The following FAM114A1 variants were observed in gnomAD, a reference collection of about 807,000 sequenced individuals.
The protein encoded by FAM114A1 is protein NOXP20.
FAM114A1 carries 62 observed loss-of-function variants against 64.3 expected under a neutral mutation model. The observed-to-expected ratio is 0.96, with a 90% CI of 0.79 to 1.19. The LOEUF (loss-of-function observed/expected upper bound fraction) is 1.19, where lower values mean the gene tolerates loss of function less well. Among genes scored for constraint, FAM114A1 ranks in the 50% most tolerant of loss-of-function variants. The probability of loss-of-function intolerance (pLI) is 0.00; values close to 1 mark genes in which losing one functional copy is unlikely to be tolerated. For synonymous variants in FAM114A1, 254 were observed against 251.1 expected (o/e 1.01, Z -0.11); for missense variants, 645 against 676.3 (o/e 0.95, Z 0.51).
chr4:38,934,001 A>T (rs1480595536), intron 12 of FAM114A1, among the ~76,000 whole-genome samples: 2 of 152,232 alleles, frequency 1.3e-5, no homozygotes, highest in East Asian at 1.9e-4. Flanking sequence ...ATATCTAAGG[A>T]TATAAAAATC....
chr4:38,939,024 A>T (rs1721353032), intron 13 of FAM114A1, among the ~76,000 whole-genome samples: 1 of 152,256 alleles, frequency 6.6e-6, no homozygotes, highest in Non-Finnish European at 1.5e-5. Flanking sequence ...AGATGTTGTT[A>T]AAATGAAGAT....
At position 38,870,546 on chromosome 4, in the gene FAM114A1, G is replaced by A. The variant is rs372374925; in HGVS notation, c.-9+2000G>A. Among the ~76,000 whole-genome samples the A allele has an allele frequency of 5.0e-4, 76 of 152,188 alleles. No individual in the cohort carries two copies. In the South Asian group the frequency reaches 0.014, roughly 28 times the overall value. On this transcript the variant is annotated intron_variant, in intron 2 of 14. Transcript: ENST00000358869. ...TTAGGTGATGAATGAATTTACTCAC[G>A]AAAAACTAACTTATTCCCAGCCCAC...
chr4:38,920,205 C>CAA (rs567275919), intron 8 of FAM114A1, among the ~76,000 whole-genome samples: 1 of 134,280 alleles, frequency 7.4e-6, no homozygotes, highest in Non-Finnish European at 1.6e-5. Flanking sequence ...AGACCCGTCT[C>CAA]AAAAAAAAAA....
chr4:38,929,098 T>C lies in FAM114A1; in HGVS notation c.1070-144T>C, dbSNP rs115309847. The C allele has an allele frequency of 5.6e-3, 3,628 of 651,286 alleles. 112 individuals are homozygous for C. In the African/African-American group the frequency reaches 0.057, roughly 10 times the overall value. 40.3% of individuals were successfully genotyped at this position (651,286 alleles called of 1,614,324 possible). ...CTGCCATGCTCACGAATGGAAGACA[T>C]TCATCTTTGCCCAGCGGCTGGCGGG... On this transcript the variant is annotated intron_variant, in intron 9 of 14. Transcript: ENST00000358869.
chr4:38,927,754 G>A (rs1393252177), intron 9 of FAM114A1, among the ~76,000 whole-genome samples: 3 of 152,118 alleles, frequency 2.0e-5, no homozygotes, highest in Non-Finnish European at 4.4e-5. Flanking sequence ...CATGATCTCC[G>A]CTCACTGCAA....
intron 2 of FAM114A1, among the ~76,000 whole-genome samples, chr4:38,875,651 G>A (rs558342736): frequency 1.3e-5 from 2 of 151,904 alleles, no homozygotes; most frequent in African/African-American, 2.4e-5. Context: ...ATTTTATTTC[G>A]TTCTCTTGTC....
chr4:38,899,085 T>C lies in FAM114A1; in HGVS notation c.437-6437T>C, dbSNP rs373118459. 2.4e-4 allele frequency among the ~76,000 whole-genome samples: 37 copies of C among 151,466 alleles called. No homozygotes were observed. The East Asian group carries it at 6.8e-3, about 28-fold the overall frequency. Reference sequence around the variant, plus strand: ...CATTCAGTGGAATACTATGCAGCCATTAAAAAGACCAAGGTAGATCAGTTT... The same window carrying C: ...CATTCAGTGGAATACTATGCAGCCACTAAAAAGACCAAGGTAGATCAGTTT... On this transcript the variant is annotated intron_variant, in intron 4 of 14. Coordinates refer to ENST00000358869, the MANE Select transcript of FAM114A1 (RefSeq NM_138389.4).
chr4:38,943,689 A>G lies in FAM114A1; in HGVS notation c.*132A>G. On this transcript the variant is annotated 3_prime_UTR_variant, in exon 15 of 15. Transcript: ENST00000358869. ...GGACACTACAAGCAATTTTGCACAG[A>G]CAATATTGAGAATGCAAATTTAGAG... The G allele has an allele frequency of 1.6e-6, 1 of 621,712 alleles. No homozygotes were observed. Among genetic ancestry groups the G allele is most frequent in the Non-Finnish European group, 2.9e-6 (1 of 349,884 alleles). The allele number at this position is 621,712 out of a possible 1,614,324, so 38.5% of individuals were successfully genotyped here. A position where few individuals can be genotyped will look rare whatever the true frequency, so the allele number is the denominator to read the frequency against.
At chr4:38,886,872 G>A (rs1715864292) in intron 3 of FAM114A1, among the ~76,000 whole-genome samples, 1 of 142,588 alleles carries the variant, frequency 7.0e-6, no homozygotes, top group African/African-American at 2.6e-5. Context: ...AGGCTGCAGT[G>A]AACCAAAATC....
rs1713680293 is a variant in FAM114A1, at chr4:38,868,437, C to G, written c.-118C>G. On this transcript the variant is annotated 5_prime_UTR_variant, in exon 2 of 15. Coordinates refer to ENST00000358869, the MANE Select transcript of FAM114A1 (RefSeq NM_138389.4). Reference sequence around the variant, plus strand: ...GCCTGCTCTTCCAGTCCAGCCAACACTCTAAGCAGGCACCGCCTCCACTCG... The same window carrying G: ...GCCTGCTCTTCCAGTCCAGCCAACAGTCTAAGCAGGCACCGCCTCCACTCG... 1 of 152,992 alleles carries G rather than the reference C, an allele frequency of 6.5e-6. No individual in the cohort carries two copies. The highest frequency in any genetic ancestry group is 6.5e-5 in the Admixed American group (1 of 15,304). The allele number at this position is 152,992 out of a possible 1,614,324, so 9.5% of individuals were successfully genotyped here. A position where few individuals can be genotyped will look rare whatever the true frequency, so the allele number is the denominator to read the frequency against.
chr4:38,890,519 T>C (rs1716250602), intron 3 of FAM114A1, among the ~76,000 whole-genome samples: 1 of 152,138 alleles, frequency 6.6e-6, no homozygotes, highest in Non-Finnish European at 1.5e-5. Context: ...CACTGCCTCC[T>C]TACTTTCTTT....
chr4:38,918,197 C>A (rs1182677594), intron 8 of FAM114A1, among the ~76,000 whole-genome samples: 2 of 152,172 alleles, frequency 1.3e-5, no homozygotes, highest in African/African-American at 4.8e-5. Flanking sequence ...GCACTCCAGC[C>A]TGGGCAGCAA....
rs549282441 is a variant in FAM114A1, at chr4:38,880,912, C to T, written c.348+2486C>T. Among the ~76,000 whole-genome samples the T allele has an allele frequency of 2.6e-4, 40 of 152,274 alleles. 1 individual carries two copies. Among genetic ancestry groups the T allele is most frequent in the South Asian group, 4.1e-4 (2 of 4,826 alleles). ...GAAGATAGCATAGTAAGGCCGGGCA[C>T]GGTGGCTCATGCCTGTAATCCCAGC... is the stretch of plus-strand genomic sequence containing the variant. On this transcript the variant is annotated intron_variant, in intron 3 of 14. Transcript: ENST00000358869.
intron 12 of FAM114A1, among the ~76,000 whole-genome samples, chr4:38,933,374 A>T (rs1289748060): frequency 6.6e-6 from 1 of 152,158 alleles, no homozygotes; most frequent in Non-Finnish European, 1.5e-5. Flanking sequence ...CTTTAATGTA[A>T]CTTCTAGCTA....
chr4:38,932,857 ATT>A (rs34761547), intron 12 of FAM114A1, among the ~76,000 whole-genome samples: 5 of 142,884 alleles, frequency 3.5e-5, no homozygotes, highest in African/African-American at 1.0e-4. Flanking sequence ...AGAAATAAGG[ATT>A]TTTTTTTTTT....
intron 6 of FAM114A1, among the ~76,000 whole-genome samples, chr4:38,906,787 G>C (rs189247392): frequency 1.3e-5 from 2 of 152,016 alleles, no homozygotes; most frequent in African/African-American, 4.8e-5. Flanking sequence ...CTCCTGCCTC[G>C]GCCTCCCAAA....
chr4:38,899,630 A>G (rs979297193), intron 4 of FAM114A1, among the ~76,000 whole-genome samples: 4 of 152,202 alleles, frequency 2.6e-5, no homozygotes, highest in Non-Finnish European at 4.4e-5. Flanking sequence ...TCTTGAAAGG[A>G]ATCACAAGAA....
chr4:38,936,548 A>ATTTTT (rs761417840), intron 13 of FAM114A1, among the ~76,000 whole-genome samples: 4 of 110,292 alleles, frequency 3.6e-5, no homozygotes, highest in Non-Finnish European at 5.7e-5. Flanking sequence ...AAGAGTTTTC[A>ATTTTT]TTTTTTTTTT....
chr4:38,905,951 A>G lies in FAM114A1; in HGVS notation c.657+90A>G, dbSNP rs1315757071. Reference sequence around the variant, plus strand: ...TTTACCAGTGACCTAGATACATCAGAGAAACGATGGCCTTGCTCAGAACTT... The same window carrying G: ...TTTACCAGTGACCTAGATACATCAGGGAAACGATGGCCTTGCTCAGAACTT... On this transcript the variant is annotated intron_variant, in intron 6 of 14. Coordinates refer to ENST00000358869, the MANE Select transcript of FAM114A1 (RefSeq NM_138389.4). 7 of 1,116,076 alleles carry G rather than the reference A, an allele frequency of 6.3e-6. No homozygotes were observed. The East Asian group carries it at 1.8e-4, about 29-fold the overall frequency. The allele number at this position is 1,116,076 out of a possible 1,614,324, so 69.1% of individuals were successfully genotyped here.
Sources: allele counts gnomAD v4.1 joint callset (sites outside exome capture counted in the v4.1 genomes callset), GRCh38; gene constraint gnomAD v4.1.1; transcripts MANE v1.5; gene names NCBI Gene and HGNC (gene_info 2026-07-23, HGNC 2026-07-21).